KIF2A: variants seen among roughly 807,000 people sequenced by gnomAD.
KIF2A encodes the protein kinesin family member 2A.
In KIF2A, 22 loss-of-function variants were observed where a neutral mutation model predicts 100.2. The observed-to-expected ratio is 0.22, with a 90% CI of 0.16 to 0.31. KIF2A has a LOEUF of 0.31. KIF2A is among the 10% of genes least tolerant of loss of function. The pLI is 1.00. For missense variants in KIF2A, 495 were observed against 898.7 expected, an observed-to-expected ratio of 0.55 and a Z score of 5.74; for synonymous variants, 268 against 285.9, an observed-to-expected ratio of 0.94 and a Z score of 0.63.
intron 9 of KIF2A, among the ~76,000 whole-genome samples, chr5:62,360,417 G>A (rs1748342713): frequency 6.6e-6 from 1 of 152,026 alleles, no homozygotes; most frequent in South Asian, 2.1e-4. Context: ...GGGTGCGGTG[G>A]CTCATGCCTG....
intron 14 of KIF2A, among the ~76,000 whole-genome samples, chr5:62,364,381 C>T (rs76412137): frequency 0.041 from 6,187 of 152,168 alleles, 191 homozygotes; most frequent in South Asian, 0.09. Flanking sequence ...CTTCTGACCT[C>T]GTGATCTACC....
At chr5:62,371,032 C>T (rs1295503936) in intron 16 of KIF2A, among the ~76,000 whole-genome samples, 1 of 151,918 alleles carries the variant, frequency 6.6e-6, no homozygotes, top group Admixed American at 6.6e-5. Flanking sequence ...TTTGGGAGGC[C>T]GAGGCAGGAG....
At chr5:62,361,166 C>T in intron 9 of KIF2A, 76 bp from the exon 10 acceptor site, 2 of 661,782 alleles carry the variant, frequency 3.0e-6, no homozygotes, top group Non-Finnish European at 5.0e-6. Context: ...TAATAAAATA[C>T]TTTGTATTAC....
At chr5:62,370,169 A>G (rs1159576044) in intron 16 of KIF2A, among the ~76,000 whole-genome samples, 2 of 152,218 alleles carry the variant, frequency 1.3e-5, no homozygotes, top group East Asian at 3.8e-4. Flanking sequence ...ATATCCTTAT[A>G]TTAGAATCAT....
At chr5:62,308,691 T>TA (rs1745424718) in intron 1 of KIF2A, among the ~76,000 whole-genome samples, 1 of 152,184 alleles carries the variant, frequency 6.6e-6, no homozygotes, top group Non-Finnish European at 1.5e-5. Context: ...AAATATTGCA[T>TA]AATCTCACTC....
At chr5:62,332,309 C>T (rs1285087177) in intron 1 of KIF2A, among the ~76,000 whole-genome samples, 1 of 152,090 alleles carries the variant, frequency 6.6e-6, no homozygotes, top group African/African-American at 2.4e-5. Context: ...TTCACTGAAG[C>T]AAAGATGGCT....
intron 7 of KIF2A, 118 bp from the exon 8 acceptor site, chr5:62,357,573 C>T: frequency 2.1e-6 from 1 of 477,060 alleles, no homozygotes; most frequent in Non-Finnish European, 3.7e-6. Context: ...TTAAGCTTAC[C>T]TATCATTTAT....
rs141898254 is a variant in KIF2A, at chr5:62,355,936, C to T, written c.654+682C>T. ...AGCTGGGACTACAGGCGCCTGCCAC[C>T]ACGCCCGGCTAATTTTTGTATTTTT... On this transcript the variant is annotated intron_variant, in intron 7 of 20. Coordinates refer to ENST00000407818, the MANE Select transcript of KIF2A (RefSeq NM_001098511.3). Among the ~76,000 whole-genome samples, 489 of 143,938 alleles carry T rather than the reference C, an allele frequency of 3.4e-3. 3 individuals are homozygous for T. Among genetic ancestry groups the T allele is most frequent in the African/African-American group, 0.012 (463 of 39,368 alleles). The allele number at this position is 143,938 out of a possible 152,430, so 94.4% of individuals were successfully genotyped here.
At chr5:62,310,651 C>G (rs1317752417) in intron 1 of KIF2A, among the ~76,000 whole-genome samples, 1 of 152,140 alleles carries the variant, frequency 6.6e-6, no homozygotes, top group Non-Finnish European at 1.5e-5. Context: ...TAAGGTTAAT[C>G]TGACTTTTCT....
intron 3 of KIF2A, among the ~76,000 whole-genome samples, chr5:62,348,958 T>C (rs1747711002): frequency 6.6e-6 from 1 of 152,198 alleles, no homozygotes; most frequent in African/African-American, 2.4e-5. Flanking sequence ...AGGGAGGACA[T>C]AGATAAGCAT....
At chr5:62,375,689 T>G (rs2111990841) in intron 18 of KIF2A, among the ~76,000 whole-genome samples, 1 of 152,320 alleles carries the variant, frequency 6.6e-6, no homozygotes, top group African/African-American at 2.4e-5. Context: ...TCCAAATCAC[T>G]GTTACTAAAG....
intron 11 of KIF2A, 95 bp from the exon 12 acceptor site, chr5:62,362,355 A>G: frequency 2.0e-6 from 1 of 499,072 alleles, no homozygotes; most frequent in Non-Finnish European, 3.5e-6. Flanking sequence ...TATCCTAGGT[A>G]AAGAGTAACT....
intron 1 of KIF2A, among the ~76,000 whole-genome samples, chr5:62,327,975 C>T (rs1746462466): frequency 6.6e-6 from 1 of 152,194 alleles, no homozygotes; most frequent in Non-Finnish European, 1.5e-5. Context: ...CAGAATAGCA[C>T]TGCTGTATTG....
At chr5:62,347,257 C>T in intron 2 of KIF2A, 33 bp downstream of exon 2, 2 of 1,116,310 alleles carry the variant, frequency 1.8e-6, no homozygotes, top group Non-Finnish European at 2.7e-6. Context: ...TATTCCTAGT[C>T]CTGCAATCAA....
At chr5:62,379,928 G>A (rs1273519712) in intron 19 of KIF2A, among the ~76,000 whole-genome samples, 1 of 152,168 alleles carries the variant, frequency 6.6e-6, no homozygotes, top group East Asian at 1.9e-4. Context: ...GTCTCGCTCT[G>A]TCGCCCAGGC....
chr5:62,325,028 A>G (rs924338191), intron 1 of KIF2A, among the ~76,000 whole-genome samples: 35 of 152,210 alleles, frequency 2.3e-4, no homozygotes, highest in African/African-American at 8.2e-4. Flanking sequence ...AAAATGGGCA[A>G]AGGGACACAC....
At chr5:62,362,166 A>G (rs1748445088) in intron 11 of KIF2A, among the ~76,000 whole-genome samples, 1 of 151,636 alleles carries the variant, frequency 6.6e-6, no homozygotes, top group African/African-American at 2.4e-5. Context: ...GCTACTAGCT[A>G]TGGTATAAGA....
intron 3 of KIF2A, among the ~76,000 whole-genome samples, chr5:62,349,518 C>T (rs1028443255): frequency 2.0e-5 from 3 of 152,042 alleles, no homozygotes; most frequent in African/African-American, 7.2e-5. Flanking sequence ...AGGAAGTCTT[C>T]ATGAATGAAT....
At chr5:62,330,153 C>A (rs1746561986) in intron 1 of KIF2A, among the ~76,000 whole-genome samples, 1 of 152,082 alleles carries the variant, frequency 6.6e-6, no homozygotes, top group Admixed American at 6.6e-5. Flanking sequence ...GAGTTTGAGA[C>A]CAGCCTGGGC....
Sources: gnomAD v4.1 joint callset for allele counts (sites outside exome capture counted in the v4.1 genomes callset) on GRCh38, gnomAD v4.1.1 for gene constraint, MANE v1.5 for transcripts, NCBI Gene and HGNC (gene_info 2026-07-23, HGNC 2026-07-21) for gene names.